The following MAP4K1 variants were observed in gnomAD, a reference collection of about 807,000 sequenced individuals.
MAP4K1 encodes MAPK/ERK kinase kinase kinase 1.
Under a neutral mutation model 122.8 loss-of-function variants are expected in MAP4K1, and 35 were observed. The observed-to-expected ratio is 0.29, with a 90% CI of 0.22 to 0.38. The LOEUF is 0.38. MAP4K1 is among the 10% of genes least tolerant of loss of function. The pLI is 1.00. For synonymous variants in MAP4K1, 412 were observed against 421.3 expected (o/e 0.98, Z 0.27); for missense variants, 791 against 1,072.6 (o/e 0.74, Z 3.67).
At position 38,616,231 on chromosome 19, in the gene MAP4K1, A is replaced by T. The variant is rs1376391991; in HGVS notation, c.277T>A (p.Phe93Ile). 6.8e-6 allele frequency: 11 copies of T among 1,613,654 alleles called. No individual in the cohort carries two copies. Among genetic ancestry groups the T allele is most frequent in the Non-Finnish European group, 9.3e-6 (11 of 1,179,912 alleles). The change falls in exon 4 of 31, where the codon TTC becomes ATC. Residue 93 changes from phenylalanine (F) to isoleucine (I), a missense_variant. Around this residue, in one of 4 missense-constraint regions of MAP4K1, gnomAD observed 163 missense variants for 286.1 expected, o/e 0.57. Transcript: ENST00000396857. ...WLQKLWICME[F>I]CGAGSLQDIY... ...TCCTGGAGAGAACCAGCCCCACAGA[A>T]TTCCATGCAGATCCAGAGTTTCTGC...
rs988329751 is a variant in MAP4K1 at position 38,617,036 on chromosome 19, A to G, written c.248+318T>C. 2.0e-5 allele frequency among the ~76,000 whole-genome samples: 3 copies of G among 152,100 alleles called. No individual in the cohort carries two copies. The highest frequency in any genetic ancestry group is 2.0e-4 in the Admixed American group (3 of 15,254). ...GCCGAGGCGAGTGGATCACAAGGTC[A>G]GGAGTTCAAGACCAGCCTGGCCAAG... On this transcript the variant is annotated intron_variant, in intron 3 of 30. Transcript: ENST00000396857. This position sits in a 1 kb window ranked among gnomAD's most constrained non-coding sequence, Gnocchi z 4.1.
At chr19:38,603,752 G>A (rs560250686) in intron 19 of MAP4K1, among the ~76,000 whole-genome samples, 1 of 152,244 alleles carries the variant, frequency 6.6e-6, no homozygotes, top group South Asian at 2.1e-4. Flanking sequence ...GGGAGGCCGA[G>A]GCTGGCAGAT....
chr19:38,602,951 TAC>T lies in MAP4K1; in HGVS notation c.1447-1428_1447-1427del, dbSNP rs1054902074. Among the ~76,000 whole-genome samples the T allele has an allele frequency of 1.4e-4, 20 of 140,398 alleles. 2 individuals are homozygous for T. Among genetic ancestry groups the T allele is most frequent in the East Asian group, 4.8e-4 (2 of 4,128 alleles). The allele number at this position is 140,398 out of a possible 152,430, so 92.1% of individuals were successfully genotyped here. On this transcript the variant is annotated intron_variant, in intron 19 of 30. Transcript: ENST00000396857. ...ATATACATATATACACATACATATA[TAC>T]ACACATATACACATGCACATATATA...
intron 29 of MAP4K1, 84 bp from the exon 30 acceptor site, chr19:38,593,421 A>T: frequency 7.7e-7 from 1 of 1,296,606 alleles, no homozygotes; most frequent in Non-Finnish European, 1.1e-6. Context: ...GACAGCAAGG[A>T]GCTGGGCACG....
Position 38,601,465 on chromosome 19 carries a change from C to T in MAP4K1, c.1507G>A (p.Ala503Thr), listed in dbSNP as rs531344324. 21 of 1,609,782 alleles carry T rather than the reference C, an allele frequency of 1.3e-5. No individual in the cohort carries two copies. Among genetic ancestry groups the T allele is most frequent in the South Asian group, 1.2e-4 (11 of 90,006 alleles). Reference sequence around the variant, plus strand: ...CCCTTGGTGGAGGGATGTGTCCAGGCGGCCGTGCTGTGGATCCGGAGGGGG... The same window carrying T: ...CCCTTGGTGGAGGGATGTGTCCAGGTGGCCGTGCTGTGGATCCGGAGGGGG... ...GCPLRIHSTA[A>T]WTHPSTKDQH... The change falls in exon 20 of 31, where the codon GCC becomes ACC. Residue 503 changes from alanine to threonine, a missense_variant. Coordinates refer to ENST00000396857, the MANE Select transcript of MAP4K1 (RefSeq NM_001042600.3).
intron 16 of MAP4K1, among the ~76,000 whole-genome samples, chr19:38,607,159 A>G (rs757473145): frequency 6.6e-6 from 1 of 151,982 alleles, no homozygotes; most frequent in Non-Finnish European, 1.5e-5. Context: ...GGTGGGGTCA[A>G]GTCAGAGATT....
chr19:38,607,853 G>A lies in MAP4K1; in HGVS notation c.1157+11C>T, dbSNP rs564411338. 1.2e-6 allele frequency: 2 copies of A among 1,610,152 alleles called. No homozygotes were observed. Among genetic ancestry groups the A allele is most frequent in the South Asian group, 2.2e-5 (2 of 90,290 alleles). On this transcript the variant is annotated intron_variant, in intron 16 of 30. Coordinates refer to ENST00000396857, the MANE Select transcript of MAP4K1 (RefSeq NM_001042600.3). ...TGGGGCCTGTGGAGCTGCAGGCAGG[G>A]CCTCACTTACATGTCCACGTCGTCA...
At chr19:38,589,986 C>T (rs939987337) in intron 30 of MAP4K1, among the ~76,000 whole-genome samples, 3 of 151,460 alleles carry the variant, frequency 2.0e-5, no homozygotes, top group Non-Finnish European at 4.4e-5. Context: ...GCCATGATCG[C>T]GTCACTGCAC....
chr19:38,596,518 G>C (rs1284838032), intron 25 of MAP4K1, 32 bp from the exon 26 acceptor site: 1 of 1,496,422 alleles, frequency 6.7e-7, no homozygotes, highest in Non-Finnish European at 8.9e-7. Flanking sequence ...GCGGGCTAGG[G>C]GGTGGTTCAG....
At chr19:38,606,278 C>G (rs959782214) in intron 16 of MAP4K1, 63 bp from the exon 17 acceptor site, 8 of 813,250 alleles carry the variant, frequency 9.8e-6, no homozygotes, top group Non-Finnish European at 1.6e-5. Context: ...GGGAAGATGG[C>G]ATGGTTCTGG....
Position 38,597,216 on chromosome 19 carries a change from T to C in MAP4K1, c.1838-79A>G. 6.3e-7 allele frequency: 1 copy of C among 1,598,914 alleles called. No homozygotes were observed. The highest frequency in any genetic ancestry group is 8.6e-7 in the Non-Finnish European group (1 of 1,166,796). On this transcript the variant is annotated intron_variant, in intron 24 of 30. Coordinates refer to ENST00000396857, the MANE Select transcript of MAP4K1 (RefSeq NM_001042600.3). This position sits in a 1 kb window ranked among gnomAD's most constrained non-coding sequence, Gnocchi z 4.6. ...CCCACACTACCACCCATCTTCTGGG[T>C]TCTGGACACATTGCCTTAACTCTGT...
At chr19:38,594,499 G>T (rs1225902158) in intron 29 of MAP4K1, among the ~76,000 whole-genome samples, 1 of 152,038 alleles carries the variant, frequency 6.6e-6, no homozygotes, top group Non-Finnish European at 1.5e-5. Context: ...AATTACCTGG[G>T]CATGATGGAG....
Position 38,595,492 on chromosome 19 carries a change from G to T in MAP4K1, c.2333C>A (p.Ser778Ter). 1 of 1,613,970 alleles carries T rather than the reference G, an allele frequency of 6.2e-7. No individual in the cohort carries two copies. The highest frequency in any genetic ancestry group is 8.5e-7 in the Non-Finnish European group (1 of 1,179,972). Reference sequence around the variant, plus strand: ...TTGGATGGAGGGGCTTACCTGATCCGAGCCTAGAGCCCACACCTGCACTCC... The same window carrying T: ...TTGGATGGAGGGGCTTACCTGATCCTAGCCTAGAGCCCACACCTGCACTCC... ...KHGVQVWALG[S>*]DQLLQELRDP... The change falls in exon 29 of 31, where the codon TCG (serine) becomes TAG (stop). Residue 778 changes from serine (S) to a stop codon, truncating the protein, a stop_gained. Coordinates refer to ENST00000396857, the MANE Select transcript of MAP4K1 (RefSeq NM_001042600.3). LOFTEE classifies it high-confidence loss of function.
At position 38,597,995 on chromosome 19, in the gene MAP4K1, G is replaced by GT. The variant is rs949063479; in HGVS notation, c.1670-402dup. The stretch of plus-strand genomic sequence containing the variant: ...TAACTCATGAATCCCATTTGGCTTG[G>GT]TGTTTCCCCCAAAACTAGAAATTAT... On this transcript the variant is annotated intron_variant, in intron 22 of 30. Transcript: ENST00000396857. The surrounding 1 kb of genome is among the most constrained non-coding windows in gnomAD (Gnocchi z 4.6). 1.3e-5 allele frequency among the ~76,000 whole-genome samples: 2 copies of GT among 152,006 alleles called. No individual in the cohort carries two copies. The highest frequency in any genetic ancestry group is 2.9e-5 in the Non-Finnish European group (2 of 67,968).
intron 19 of MAP4K1, among the ~76,000 whole-genome samples, chr19:38,603,225 CATATACACATAT>C (rs1419100068): frequency 2.8e-5 from 4 of 144,680 alleles, no homozygotes; most frequent in African/African-American, 7.7e-5. Flanking sequence ...TACACATATA[CATATACACATAT>C]ATATACACAT....
Position 38,617,279 on chromosome 19 carries a change from G to A in MAP4K1, c.248+75C>T, listed in dbSNP as rs1975674311. ...AAGAAAAGAAAAAAAAAGAACTGAG[G>A]GTACCCCCATCAAGAAATGGGGACT... On this transcript the variant is annotated intron_variant, in intron 3 of 30. Coordinates refer to ENST00000396857, the MANE Select transcript of MAP4K1 (RefSeq NM_001042600.3). This position sits in a 1 kb window ranked among gnomAD's most constrained non-coding sequence, Gnocchi z 4.1. 1.0e-6 allele frequency: 1 copy of A among 955,344 alleles called. No individual in the cohort carries two copies. Among genetic ancestry groups the A allele is most frequent in the Non-Finnish European group, 1.7e-6 (1 of 581,404 alleles). The allele number at this position is 955,344 out of a possible 1,614,324, so 59.2% of individuals were successfully genotyped here. A position where few individuals can be genotyped will look rare whatever the true frequency, so the allele number is the denominator to read the frequency against.
rs767577298 is a variant in MAP4K1 at position 38,606,161 on chromosome 19, C to T, written c.1200+12G>A. 8.2e-6 allele frequency: 13 copies of T among 1,581,622 alleles called. No homozygotes were observed. In the African/African-American group the frequency reaches 1.5e-4, roughly 18 times the overall value. On this transcript the variant is annotated intron_variant, in intron 17 of 30. Coordinates refer to ENST00000396857, the MANE Select transcript of MAP4K1 (RefSeq NM_001042600.3). ...GAGGCCCCAGCCTCCCAGCTCTGGC[C>T]CAGGGCCTTACCTTGGGGGGAAGTG...
chr19:38,611,701 G>T lies in MAP4K1; in HGVS notation c.666-396C>A, dbSNP rs144558511. ...AGGCTAAGGCAGGAGGATCATTTGA[G>T]CCCCGGCATTCAAGGCTGAAGTGAA... On this transcript the variant is annotated intron_variant, in intron 9 of 30. Coordinates refer to ENST00000396857, the MANE Select transcript of MAP4K1 (RefSeq NM_001042600.3). Among the ~76,000 whole-genome samples, 114 of 152,280 alleles carry T rather than the reference G, an allele frequency of 7.5e-4. 1 individual carries two copies. Among genetic ancestry groups the T allele is most frequent in the African/African-American group, 2.6e-3 (106 of 41,546 alleles).
chr19:38,616,030 G>C (rs1423139685), intron 4 of MAP4K1, 165 bp downstream of exon 4: 2 of 420,518 alleles, frequency 4.8e-6, no homozygotes, highest in Admixed American at 4.2e-5. Flanking sequence ...TCAGCACTTC[G>C]ACAGCTGAAG....
Sources: gnomAD v4.1 joint callset for allele counts (sites outside exome capture counted in the v4.1 genomes callset) on GRCh38, gnomAD v4.1.1 for gene constraint, gnomAD v4.1.1 regional missense constraint, Gnocchi (gnomAD v3.1) non-coding constraint, MANE v1.5 for transcripts, NCBI Gene and HGNC (gene_info 2026-07-23, HGNC 2026-07-21) for gene names.